The following BMPR1A variants were observed in gnomAD, a reference collection of about 807,000 sequenced individuals.
BMPR1A encodes bone morphogenetic protein receptor type 1A, also known as bone morphogenetic protein receptor type-1A.
Under a neutral mutation model 66.0 loss-of-function variants are expected in BMPR1A, and 7 were observed. The observed-to-expected ratio is 0.11, with a 90% CI of 0.06 to 0.20. The LOEUF (loss-of-function observed/expected upper bound fraction) is 0.20, where lower values mean the gene tolerates loss of function less well. Among genes scored for constraint, BMPR1A ranks in the 10% least tolerant of loss-of-function variants. The probability of loss-of-function intolerance (pLI) is 1.00; values close to 1 mark genes in which losing one functional copy is unlikely to be tolerated. For missense variants in BMPR1A, 408 were observed against 669.1 expected, an observed-to-expected ratio of 0.61 and a Z score of 4.31; for synonymous variants, 200 against 229.7, an observed-to-expected ratio of 0.87 and a Z score of 1.17.
At position 86,919,371 on chromosome 10, in the gene BMPR1A, C is replaced by T. The variant is rs759520915; in HGVS notation, c.1068C>T (p.Pro356=). 63 of 1,612,960 alleles carry T rather than the reference C, an allele frequency of 3.9e-5. No homozygotes were observed. The highest frequency in any genetic ancestry group is 4.8e-5 in the Non-Finnish European group (57 of 1,179,830). ...HTEIYGTQGK[P]AIAHRDLKSK... The stretch of plus-strand genomic sequence containing the variant: ...AAATTTATGGCACCCAAGGAAAGCC[C>T]GCAATTGCTCATCGAGACCTAAAGA... Residue 356 remains proline (P), a synonymous_variant, in exon 10 of 13, where the codon CCC becomes CCT. Transcript: ENST00000372037.
At chr10:86,890,263 A>G (rs1213477304) in intron 4 of BMPR1A, 39 bp downstream of exon 4, 12 of 1,607,436 alleles carry the variant, frequency 7.5e-6, no homozygotes, top group African/African-American at 1.3e-5. Context: ...AGTTAGGAGA[A>G]TAGAGTTGCA....
chr10:86,862,686 T>G (rs1028849256), intron 2 of BMPR1A, among the ~76,000 whole-genome samples: 4 of 151,674 alleles, frequency 2.6e-5, no homozygotes, highest in Non-Finnish European at 4.4e-5. Flanking sequence ...GTACAACCAG[T>G]GGATTTGATG....
intron 1 of BMPR1A, among the ~76,000 whole-genome samples, chr10:86,757,416 A>T (rs375978604): frequency 6.6e-6 from 1 of 151,852 alleles, no homozygotes; most frequent in Admixed American, 6.6e-5. Flanking sequence ...GAGCTGCTTC[A>T]CCTGTTGTCC....
At chr10:86,760,242 TTCTTTC>T (rs1841026158) in intron 1 of BMPR1A, among the ~76,000 whole-genome samples, 3 of 106,598 alleles carry the variant, frequency 2.8e-5, no homozygotes, top group Non-Finnish European at 5.7e-5. Context: ...CTTTCTTTCT[TTCTTTC>T]TTTTTTTTTT....
Position 86,856,327 on chromosome 10 carries a change from C to T in BMPR1A, c.-153+17348C>T, listed in dbSNP as rs192667842. 1,000 of 438,786 alleles carry T rather than the reference C, an allele frequency of 2.3e-3. 2 individuals are homozygous for T. The highest frequency in any genetic ancestry group is 3.8e-3 in the Non-Finnish European group (858 of 224,598). The allele number at this position is 438,786 out of a possible 1,614,324, so 27.2% of individuals were successfully genotyped here. A position where few individuals can be genotyped will look rare whatever the true frequency, so the allele number is the denominator to read the frequency against. On this transcript the variant is annotated intron_variant, in intron 2 of 12. Coordinates refer to ENST00000372037, the MANE Select transcript of BMPR1A (RefSeq NM_004329.3). ...GGTGGGAGCCCTGGCCCTCTGCAGCCCAGGGCAGTCAGCCATGGGAGAGAG... is the reference window on the plus strand; with the variant it reads ...GGTGGGAGCCCTGGCCCTCTGCAGCTCAGGGCAGTCAGCCATGGGAGAGAG...
intron 1 of BMPR1A, among the ~76,000 whole-genome samples, chr10:86,767,359 A>G (rs1260667676): frequency 2.0e-5 from 3 of 152,190 alleles, no homozygotes; most frequent in African/African-American, 7.2e-5. Context: ...GTTCATGGCA[A>G]AGGCGTCCAG....
chr10:86,882,695 C>T (rs1403616465), intron 3 of BMPR1A, among the ~76,000 whole-genome samples: 1 of 150,214 alleles, frequency 6.7e-6, no homozygotes, highest in Non-Finnish European at 1.5e-5. Flanking sequence ...CACGGTGGCT[C>T]ATGTCATGTC....
At chr10:86,839,495 A>C (rs1842395508) in intron 2 of BMPR1A, among the ~76,000 whole-genome samples, 1 of 148,080 alleles carries the variant, frequency 6.8e-6, no homozygotes, top group Non-Finnish European at 1.5e-5. Context: ...TGGGAGGCTG[A>C]GGCATGAGAA....
At chr10:86,779,616 T>G (rs1392067295) in intron 1 of BMPR1A, among the ~76,000 whole-genome samples, 2 of 152,176 alleles carry the variant, frequency 1.3e-5, no homozygotes, top group African/African-American at 2.4e-5. Flanking sequence ...TATTTATTTA[T>G]TTAGACAGAA....
At chr10:86,885,536 G>A (rs980285886) in intron 3 of BMPR1A, among the ~76,000 whole-genome samples, 4 of 152,266 alleles carry the variant, frequency 2.6e-5, no homozygotes, top group Non-Finnish European at 2.9e-5. Flanking sequence ...ATTTTAATTC[G>A]TCTACATTTT....
intron 2 of BMPR1A, among the ~76,000 whole-genome samples, chr10:86,857,854 T>C (rs910839397): frequency 6.6e-6 from 1 of 151,858 alleles, no homozygotes; most frequent in Non-Finnish European, 1.5e-5. Context: ...GATGGGGTCT[T>C]GCTATGTTGA....
At chr10:86,841,627 A>G (rs1390189466) in intron 2 of BMPR1A, among the ~76,000 whole-genome samples, 1 of 152,212 alleles carries the variant, frequency 6.6e-6, no homozygotes, top group African/African-American at 2.4e-5. Context: ...TTCAACTCTT[A>G]AAATCCTTGA....
At chr10:86,825,093 T>C (rs946444890) in intron 1 of BMPR1A, among the ~76,000 whole-genome samples, 5 of 151,292 alleles carry the variant, frequency 3.3e-5, no homozygotes, top group African/African-American at 7.3e-5. Context: ...TTTTTTTTTT[T>C]CCTTGCTTTT....
At chr10:86,848,002 G>A (rs995639273) in intron 2 of BMPR1A, among the ~76,000 whole-genome samples, 1 of 151,492 alleles carries the variant, frequency 6.6e-6, no homozygotes, top group East Asian at 1.9e-4. Flanking sequence ...TGCCATCTTG[G>A]CTCACTGCAC....
chr10:86,857,535 T>C (rs1373665692), intron 2 of BMPR1A, among the ~76,000 whole-genome samples: 1 of 152,204 alleles, frequency 6.6e-6, no homozygotes, highest in Non-Finnish European at 1.5e-5. Flanking sequence ...GTAGCCTAGC[T>C]GGATGTGGTT....
chr10:86,889,902 T>A (rs1029624023), intron 3 of BMPR1A, among the ~76,000 whole-genome samples, 160 bp from the exon 4 acceptor site: 2 of 152,254 alleles, frequency 1.3e-5, no homozygotes, highest in Non-Finnish European at 2.9e-5. Flanking sequence ...TAATAATGTA[T>A]GTCTGTTTGT....
Position 86,810,265 on chromosome 10 carries a change from G to A in BMPR1A, c.-267-28600G>A, listed in dbSNP as rs146450789. Among the ~76,000 whole-genome samples, 795 of 152,300 alleles carry A rather than the reference G, an allele frequency of 5.2e-3. 9 individuals carry two copies. The highest frequency in any genetic ancestry group is 0.018 in the African/African-American group (744 of 41,560). On this transcript the variant is annotated intron_variant, in intron 1 of 12. Coordinates refer to ENST00000372037, the MANE Select transcript of BMPR1A (RefSeq NM_004329.3). ...CAAAGTGCTGGGATTACAGGCGTGAGCCAACACGCCTGGCTGCTGAATATT... is the reference window on the plus strand; with the variant it reads ...CAAAGTGCTGGGATTACAGGCGTGAACCAACACGCCTGGCTGCTGAATATT...
intron 2 of BMPR1A, among the ~76,000 whole-genome samples, chr10:86,846,710 A>C (rs540204467): frequency 1.1e-4 from 16 of 152,044 alleles, no homozygotes; most frequent in African/African-American, 3.1e-4. Context: ...CCCGCCGCCC[A>C]CACACACACA....
intron 1 of BMPR1A, among the ~76,000 whole-genome samples, chr10:86,823,381 A>T (rs1433436689): frequency 2.6e-5 from 4 of 152,192 alleles, no homozygotes; most frequent in Admixed American, 6.5e-5. Flanking sequence ...CATTTTACAG[A>T]TTGGGTACGG....
Sources: gnomAD v4.1 joint callset for allele counts (sites outside exome capture counted in the v4.1 genomes callset) on GRCh38, gnomAD v4.1.1 for gene constraint, MANE v1.5 for transcripts, NCBI Gene and HGNC (gene_info 2026-07-23, HGNC 2026-07-21) for gene names.